TDRD5: variants seen among roughly 807,000 people sequenced by gnomAD.
TDRD5 encodes tudor domain-containing protein 5.
In TDRD5, 41 loss-of-function variants were observed where a neutral mutation model predicts 120.6. The ratio of observed to expected loss-of-function variants is 0.34; its 90% CI spans 0.26 to 0.44. TDRD5 has a LOEUF of 0.44. TDRD5 is among the 20% of genes least tolerant of loss of function. The pLI is 1.00. For missense variants in TDRD5, 1,006 were observed against 1,221.2 expected, an observed-to-expected ratio of 0.82 and a Z score of 2.63; for synonymous variants, 430 against 433.7, an observed-to-expected ratio of 0.99 and a Z score of 0.11.
intron 11 of TDRD5, among the ~76,000 whole-genome samples, chr1:179,641,911 C>T (rs1678070196): frequency 6.6e-6 from 1 of 151,912 alleles, no homozygotes; most frequent in South Asian, 2.1e-4. Flanking sequence ...TTGGTGGAAG[C>T]CTGTATTCAA....
At chr1:179,610,549 T>C (rs577502249) in intron 4 of TDRD5, among the ~76,000 whole-genome samples, 11 of 152,314 alleles carry the variant, frequency 7.2e-5, no homozygotes, top group East Asian at 3.9e-4. Context: ...GTCTTTTTTT[T>C]CCATACTTTC....
chr1:179,677,874 G>T lies in TDRD5; in HGVS notation c.2860+8470G>T, dbSNP rs118054108. On this transcript the variant is annotated intron_variant, in intron 17 of 17. Coordinates refer to ENST00000444136, the MANE Select transcript of TDRD5 (RefSeq NM_001199085.3). ...TGCTTTCAAAAGTACATCAGCTGTG[G>T]CCCTATAGGGAGGATGCAAACTTGC... is the stretch of plus-strand genomic sequence containing the variant. 6.0e-4 allele frequency among the ~76,000 whole-genome samples: 91 copies of T among 152,306 alleles called. No homozygotes were observed. In the East Asian group the frequency reaches 0.016, roughly 27 times the overall value.
intron 11 of TDRD5, among the ~76,000 whole-genome samples, chr1:179,644,656 A>T (rs1449061524): frequency 6.6e-6 from 1 of 151,580 alleles, no homozygotes; most frequent in East Asian, 1.9e-4. Context: ...ATTGCCCATA[A>T]TTTTTTTTGT....
chr1:179,593,960 TCTA>T (rs1675253779), intron 3 of TDRD5, 93 bp downstream of exon 3: 11 of 1,470,776 alleles, frequency 7.5e-6, no homozygotes, highest in Non-Finnish European at 1.0e-5. Flanking sequence ...GAAGCCTGGC[TCTA>T]CTACTTGCCA....
intron 1 of TDRD5, 161 bp from the exon 2 acceptor site, chr1:179,592,441 C>T (rs1466759871): frequency 6.8e-6 from 4 of 587,702 alleles, no homozygotes; most frequent in Non-Finnish European, 9.0e-6. Flanking sequence ...GGGCTTGAAT[C>T]GCCCGGCCAC....
At chr1:179,688,639 T>C (rs1160476821) in intron 17 of TDRD5, among the ~76,000 whole-genome samples, 14 of 150,604 alleles carry the variant, frequency 9.3e-5, no homozygotes, top group Admixed American at 1.3e-4. Flanking sequence ...CTGCAGAGTG[T>C]TTTCCAACTT....
intron 17 of TDRD5, among the ~76,000 whole-genome samples, chr1:179,673,272 T>G (rs1679948580): frequency 6.6e-6 from 1 of 152,212 alleles, no homozygotes; most frequent in Non-Finnish European, 1.5e-5. Context: ...ATGATTTCTT[T>G]CAGCAGTGTT....
chr1:179,595,596 A>G (rs780492830), intron 3 of TDRD5, 32 bp from the exon 4 acceptor site: 2 of 1,519,154 alleles, frequency 1.3e-6, no homozygotes, highest in South Asian at 1.3e-5. Context: ...GCTAGTGACA[A>G]TTTTTCTTTC....
rs1323640829 is a variant in TDRD5 at position 179,663,339 on chromosome 1, T to C, written c.2506-9T>C. Reference sequence around the variant, plus strand: ...ATCTCAGTCTGTTGTTGCCATTTTTTCATTATAGGACTGGTGTTTTTCTAC... The same window carrying C: ...ATCTCAGTCTGTTGTTGCCATTTTTCCATTATAGGACTGGTGTTTTTCTAC... On this transcript the variant is annotated splice_polypyrimidine_tract_variant and intron_variant, in intron 15 of 17. Coordinates refer to ENST00000444136, the MANE Select transcript of TDRD5 (RefSeq NM_001199085.3). The C allele has an allele frequency of 6.3e-7, 1 of 1,596,932 alleles. No homozygotes were observed.
chr1:179,652,210 T>G lies in TDRD5; in HGVS notation c.2160+13T>G, dbSNP rs1451569145. On this transcript the variant is annotated intron_variant, in intron 13 of 17. Transcript: ENST00000444136. ...GTTACGTATCTTGGTAAGAGATTTT[T>G]GCAAATACTATTATAATTCTTTTTA... 8 of 1,591,408 alleles carry G rather than the reference T, an allele frequency of 5.0e-6. No individual in the cohort carries two copies. The highest frequency in any genetic ancestry group is 1.9e-5 in the Admixed American group (1 of 52,772).
intron 4 of TDRD5, among the ~76,000 whole-genome samples, chr1:179,611,028 T>C (rs1375994443): frequency 6.6e-6 from 1 of 152,100 alleles, no homozygotes; most frequent in African/African-American, 2.4e-5. Context: ...GGCACATTTC[T>C]CGAAATTGTA....
At chr1:179,665,920 T>A (rs1197524524) in intron 16 of TDRD5, among the ~76,000 whole-genome samples, 1 of 152,190 alleles carries the variant, frequency 6.6e-6, no homozygotes, top group African/African-American at 2.4e-5. Flanking sequence ...TCCTGCTGTC[T>A]GTATCTTCAG....
rs546709076 is a variant in TDRD5 at position 179,641,666 on chromosome 1, G to A, written c.1800+1221G>A. On this transcript the variant is annotated intron_variant, in intron 11 of 17. Coordinates refer to ENST00000444136, the MANE Select transcript of TDRD5 (RefSeq NM_001199085.3). ...ATGTTGGGAGCGAGGGTTTTTTGGT[G>A]TGGTTTTCAGCATTACTTAAAATAG... 3.3e-5 allele frequency among the ~76,000 whole-genome samples: 5 copies of A among 152,290 alleles called. No individual in the cohort carries two copies. In the South Asian group the frequency reaches 1.0e-3, roughly 32 times the overall value.
chr1:179,621,178 C>T (rs1676824608), intron 6 of TDRD5, 87 bp downstream of exon 6: 2 of 1,172,468 alleles, frequency 1.7e-6, no homozygotes, highest in Middle Eastern at 2.0e-4. Flanking sequence ...TCCTTGGATT[C>T]TCCAGGTCTA....
In TDRD5 at chr1:179,654,265, A is replaced by T. The variant is rs1678873448; in HGVS notation, c.2225A>T (p.Asp742Val). Residue 742 changes from aspartate to valine, a missense_variant, in exon 14 of 18, where the codon GAT (aspartate) becomes GTT (valine). Physicochemically the swap from Asp to Val is radical, Grantham distance 152. Coordinates refer to ENST00000444136, the MANE Select transcript of TDRD5 (RefSeq NM_001199085.3). ...LKSESKEPLK[D>V]SEFESLKTCN... is the part of the protein sequence containing the mutation. ...TCTGAGTCAAAGGAGCCATTAAAGGATTCTGAATTTGAGTCTTTGAAAACC... is the reference window on the plus strand; with the variant it reads ...TCTGAGTCAAAGGAGCCATTAAAGGTTTCTGAATTTGAGTCTTTGAAAACC... 6.5e-7 allele frequency: 1 copy of T among 1,549,832 alleles called. No homozygotes were observed. Among genetic ancestry groups the T allele is most frequent in the South Asian group, 1.2e-5 (1 of 83,964 alleles).
At chr1:179,634,954 C>T (rs960613441) in intron 8 of TDRD5, among the ~76,000 whole-genome samples, 10 of 152,132 alleles carry the variant, frequency 6.6e-5, no homozygotes, top group African/African-American at 1.7e-4. Context: ...TGTGCCTCAA[C>T]GCTGCTGCAA....
At chr1:179,642,613 T>C (rs1309695270) in intron 11 of TDRD5, among the ~76,000 whole-genome samples, 1 of 152,230 alleles carries the variant, frequency 6.6e-6, no homozygotes, top group Non-Finnish European at 1.5e-5. Flanking sequence ...TCATAATGCT[T>C]TATCACTATC....
chr1:179,611,710 G>A (rs2101946541), intron 4 of TDRD5, among the ~76,000 whole-genome samples: 1 of 152,270 alleles, frequency 6.6e-6, no homozygotes, highest in South Asian at 2.1e-4. Flanking sequence ...GCAGAGTTGA[G>A]GACATTTGCT....
chr1:179,649,171 G>A (rs934825204), intron 11 of TDRD5, among the ~76,000 whole-genome samples: 1 of 152,040 alleles, frequency 6.6e-6, no homozygotes, highest in Non-Finnish European at 1.5e-5. Flanking sequence ...CTGTTCTTCA[G>A]TATTGGTGTG....
Sources: allele counts gnomAD v4.1 joint callset (sites outside exome capture counted in the v4.1 genomes callset), GRCh38; gene constraint gnomAD v4.1.1; transcripts MANE v1.5; gene names NCBI Gene and HGNC (gene_info 2026-07-23, HGNC 2026-07-21).